Variants in EIF3B observed in about 807,000 individuals in gnomAD.
The protein encoded by EIF3B is eukaryotic translation initiation factor 3 subunit 9.
A neutral mutation model predicts 104.6 loss-of-function variants in EIF3B; 10 were observed. That is an observed-to-expected ratio of 0.10 (90% CI 0.06 to 0.16). The LOEUF is 0.16. Among genes scored for constraint, EIF3B ranks in the 10% least tolerant of loss-of-function variants. EIF3B has a pLI of 1.00. For missense variants in EIF3B, 1,014 were observed against 1,087.9 expected (o/e 0.93, Z 0.96); for synonymous variants, 542 against 417.2 (o/e 1.30, Z -3.65).
chr7:2,374,374 G>T, intron 12 of EIF3B, 154 bp from the exon 13 acceptor site: 1 of 631,722 alleles, frequency 1.6e-6, no homozygotes, highest in Non-Finnish European at 2.8e-6. Flanking sequence ...GGGGTACTTG[G>T]CGATGGACTT....
At position 2,355,314 on chromosome 7, in the gene EIF3B, C is replaced by T. The variant is rs772311248; in HGVS notation, c.393C>T (p.Asn131=). ...AQAVSEDAGG[N]EGRAAEAEPR... Reference sequence around the variant, plus strand: ...CGGTGTCCGAGGACGCGGGAGGAAACGAGGGCAGAGCGGCCGAGGCCGAAC... The same window carrying T: ...CGGTGTCCGAGGACGCGGGAGGAAATGAGGGCAGAGCGGCCGAGGCCGAAC... Residue 131 remains asparagine (N), a synonymous_variant, in exon 1 of 19, where the codon AAC becomes AAT. Coordinates refer to ENST00000360876, the MANE Select transcript of EIF3B (RefSeq NM_001037283.2). The T allele has an allele frequency of 3.1e-5, 47 of 1,540,858 alleles. No individual in the cohort carries two copies. The highest frequency in any genetic ancestry group is 4.1e-5 in the Non-Finnish European group (47 of 1,150,916).
At chr7:2,376,835 C>A in intron 14 of EIF3B, 115 bp from the exon 15 acceptor site, 3 of 1,455,418 alleles carry the variant, frequency 2.1e-6, no homozygotes, top group Non-Finnish European at 2.8e-6. Flanking sequence ...ACAGGCAGAG[C>A]TTTGTTTGCT....
At chr7:2,377,565 G>C (rs374336192) in intron 15 of EIF3B, among the ~76,000 whole-genome samples, 21 of 45,740 alleles carry the variant, frequency 4.6e-4, no homozygotes, top group African/African-American at 1.6e-3. Flanking sequence ...CTCCTGGGAT[G>C]CTGTGTTCTG....
Position 2,367,809 on chromosome 7 carries a change from T to C in EIF3B, c.1403+764T>C, listed in dbSNP as rs565631735. On this transcript the variant is annotated intron_variant, in intron 9 of 18. Coordinates refer to ENST00000360876, the MANE Select transcript of EIF3B (RefSeq NM_001037283.2). Reference sequence around the variant, plus strand: ...ACCAGTTGGAGAGAAAACGGTGAGTTTGTTCTTTTTTTAAAATTTTTTTTT... The same window carrying C: ...ACCAGTTGGAGAGAAAACGGTGAGTCTGTTCTTTTTTTAAAATTTTTTTTT... Among the ~76,000 whole-genome samples the C allele has an allele frequency of 2.0e-5, 3 of 147,098 alleles. No individual in the cohort carries two copies. In the East Asian group the frequency reaches 6.1e-4, roughly 30 times the overall value.
intron 15 of EIF3B, 113 bp from the exon 16 acceptor site, chr7:2,378,576 A>C: frequency 1.2e-6 from 1 of 866,390 alleles, no homozygotes; most frequent in Non-Finnish European, 1.9e-6. Context: ...GCTCCTGGGA[A>C]GCTGTGTTCT....
chr7:2,354,989 A>T lies in EIF3B; in HGVS notation c.68A>T (p.Gln23Leu), dbSNP rs1392826926. The T allele has an allele frequency of 8.5e-7, 1 of 1,171,224 alleles. No homozygotes were observed. The highest frequency in any genetic ancestry group is 4.8e-5 in the Admixed American group (1 of 20,960). 72.6% of individuals were successfully genotyped at this position (1,171,224 alleles called of 1,614,324 possible). The change falls in exon 1 of 19, where the codon CAG (glutamine) becomes CTG (leucine). Residue 23 changes from glutamine (Q) to leucine (L), a missense_variant. This residue lies in a region of EIF3B where 488 missense variants were observed against 404.3 expected (regional missense o/e 1.21). Transcript: ENST00000360876. ...AEERAEPGQQ[Q>L]PAAEPPPAEG... ...GAGCGCGCCGAGCCCGGCCAGCAGC[A>T]GCCGGCCGCCGAGCCGCCGCCAGCC... is the stretch of plus-strand genomic sequence containing the variant.
chr7:2,354,784 C>T (rs1424225524), upstream of EIF3B: 4 of 869,862 alleles, frequency 4.6e-6, no homozygotes, highest in Non-Finnish European at 5.6e-6. Context: ...GTGGGTGCGC[C>T]CCCCGCCCCG....
In EIF3B at chr7:2,377,084, G is replaced by A. The variant is rs1780675368; in HGVS notation, c.2154+9G>A. On this transcript the variant is annotated intron_variant, in intron 15 of 18. Transcript: ENST00000360876. ...GCCAGGAACAGATCAAGGTCAGCATGCCCCCACCCCCGGGTGCAGGGCACA... is the reference window on the plus strand; with the variant it reads ...GCCAGGAACAGATCAAGGTCAGCATACCCCCACCCCCGGGTGCAGGGCACA... The A allele has an allele frequency of 2.5e-6, 4 of 1,601,312 alleles. No homozygotes were observed. Among genetic ancestry groups the A allele is most frequent in the Non-Finnish European group, 3.4e-6 (4 of 1,170,884 alleles).
chr7:2,355,362 C>T lies in EIF3B; in HGVS notation c.441C>T (p.Asp147=), dbSNP rs1779352075. ...EAEPRALENG[D]ADEPSFSDPE... ...AACCCCGGGCGCTGGAGAACGGCGA[C>T]GCGGACGAGCCCTCCTTCAGCGACC... Residue 147 remains aspartate, a synonymous_variant, in exon 1 of 19, where the codon GAC becomes GAT. Transcript: ENST00000360876. 2 of 1,536,700 alleles carry T rather than the reference C, an allele frequency of 1.3e-6. No individual in the cohort carries two copies. The highest frequency in any genetic ancestry group is 1.4e-5 in the African/African-American group (1 of 72,884).
intron 18 of EIF3B, chr7:2,379,975 A>G (rs1331303200): frequency 2.0e-5 from 5 of 252,164 alleles, no homozygotes; most frequent in Non-Finnish European, 3.9e-5. Context: ...CGCGCCTCAC[A>G]GCATGGGCAC....
intron 8 of EIF3B, 86 bp from the exon 9 acceptor site, chr7:2,366,913 C>T (rs1780056177): frequency 7.0e-7 from 1 of 1,425,868 alleles, no homozygotes; most frequent in African/African-American, 1.4e-5. Context: ...ACATCAGACT[C>T]TTGTTTCCTT....
chr7:2,369,685 A>G lies in EIF3B; in HGVS notation c.1614+3A>G. The G allele has an allele frequency of 1.9e-6, 3 of 1,587,410 alleles. No homozygotes were observed. The highest frequency in any genetic ancestry group is 1.7e-5 in the Admixed American group (1 of 59,112). On this transcript the variant is annotated splice_donor_region_variant and intron_variant, in intron 10 of 18. Transcript: ENST00000360876. Reference sequence around the variant, plus strand: ...ATAGGACTCCGAAAGGCACCCAGGTATGTAGATTCCCACAGGAACTGACGA... The same window carrying G: ...ATAGGACTCCGAAAGGCACCCAGGTGTGTAGATTCCCACAGGAACTGACGA...
rs535716099 is a variant in EIF3B, at chr7:2,365,686, T to G, written c.1158-631T>G. Among the ~76,000 whole-genome samples the G allele has an allele frequency of 5.1e-4, 76 of 148,314 alleles. No homozygotes were observed. In the East Asian group the frequency reaches 9.2e-3, roughly 18 times the overall value. On this transcript the variant is annotated intron_variant, in intron 6 of 18. Transcript: ENST00000360876. ...TTGTTTGTTTGTTTGTTTTGTTTTTTTTTTTTTTGAAACTGAGTTTCATGC... is the reference window on the plus strand; with the variant it reads ...TTGTTTGTTTGTTTGTTTTGTTTTTGTTTTTTTTGAAACTGAGTTTCATGC...
Position 2,363,549 on chromosome 7 carries a change from G to C in EIF3B, c.871-83G>C, listed in dbSNP as rs1289196516. 1.5e-5 allele frequency: 19 copies of C among 1,289,164 alleles called. No homozygotes were observed. In the South Asian group the frequency reaches 1.8e-4, roughly 13 times the overall value. 79.9% of individuals were successfully genotyped at this position (1,289,164 alleles called of 1,614,324 possible). A position where few individuals can be genotyped will look rare whatever the true frequency, so the allele number is the denominator to read the frequency against. On this transcript the variant is annotated intron_variant, in intron 4 of 18. Coordinates refer to ENST00000360876, the MANE Select transcript of EIF3B (RefSeq NM_001037283.2). ...GGGAGTTAAGATGTGGACTGAACTT[G>C]TCATATCTTTAAGAGCAATAGTTGT...
intron 10 of EIF3B, 117 bp from the exon 11 acceptor site, chr7:2,371,660 G>A (rs111944821): frequency 1.1e-5 from 9 of 803,446 alleles, no homozygotes; most frequent in Admixed American, 2.0e-5. Context: ...GCACATGCTC[G>A]TGTGTGAACC....
chr7:2,379,280 T>A (rs370305130), intron 17 of EIF3B, 38 bp downstream of exon 17: 6 of 1,585,020 alleles, frequency 3.8e-6, no homozygotes, highest in African/African-American at 2.7e-5. Context: ...GAGCTGGCCC[T>A]TACGCTGCCC....
rs376014325 is a variant in EIF3B, at chr7:2,366,510, T to G, written c.1290-15T>G. 4.9e-5 allele frequency: 79 copies of G among 1,614,078 alleles called. No homozygotes were observed. The highest frequency in any genetic ancestry group is 6.2e-5 in the Non-Finnish European group (73 of 1,180,050). On this transcript the variant is annotated splice_polypyrimidine_tract_variant and intron_variant, in intron 7 of 18. Transcript: ENST00000360876. Reference sequence around the variant, plus strand: ...TCTTTTCATGGGAATACCCTGGCACTTTTGTTTTTCTTAGGTGGAGCCATG... The same window carrying G: ...TCTTTTCATGGGAATACCCTGGCACGTTTGTTTTTCTTAGGTGGAGCCATG...
At position 2,362,750 on chromosome 7, in the gene EIF3B, T is replaced by G; in HGVS notation, c.798T>G (p.Phe266Leu). ...DKQHTFRVNL[F>L]TDFDKYMTIS... Reference sequence around the variant, plus strand: ...AGCACACATTCCGGGTCAACCTCTTTACGGATTTTGACAAGTGAGTTCAGA... The same window carrying G: ...AGCACACATTCCGGGTCAACCTCTTGACGGATTTTGACAAGTGAGTTCAGA... Residue 266 changes from phenylalanine to leucine, a missense_variant, in exon 3 of 19, where the codon TTT (phenylalanine) becomes TTG (leucine). By Grantham distance (22) the Phe-to-Leu change is conservative. Transcript: ENST00000360876. 1 of 1,614,108 alleles carries G rather than the reference T, an allele frequency of 6.2e-7. No homozygotes were observed. Among genetic ancestry groups the G allele is most frequent in the African/African-American group, 1.3e-5 (1 of 75,032 alleles).
chr7:2,363,118 C>G lies in EIF3B; in HGVS notation c.861C>G (p.Phe287Leu). The G allele has an allele frequency of 3.7e-6, 6 of 1,614,032 alleles. No individual in the cohort carries two copies. The highest frequency in any genetic ancestry group is 5.1e-6 in the Non-Finnish European group (6 of 1,179,996). ...GGGATATTCCAGAGAAACAGCCTTT[C>G]AAAGACCTGGTGAGTGGCCTGAAAC... is the stretch of plus-strand genomic sequence containing the variant. ...DEWDIPEKQP[F>L]KDLGNLRYWL... Residue 287 changes from phenylalanine (F) to leucine (L), a missense_variant, in exon 4 of 19, where the codon TTC (phenylalanine) becomes TTG (leucine). By Grantham distance (22) the Phe-to-Leu change is conservative. Around this residue, in one of 4 missense-constraint regions of EIF3B, gnomAD observed 201 missense variants for 240.7 expected, o/e 0.83. Coordinates refer to ENST00000360876, the MANE Select transcript of EIF3B (RefSeq NM_001037283.2).
Sources: allele counts gnomAD v4.1 joint callset (sites outside exome capture counted in the v4.1 genomes callset), GRCh38; gene constraint gnomAD v4.1.1; regional missense constraint gnomAD v4.1.1; transcripts MANE v1.5; gene names NCBI Gene and HGNC (gene_info 2026-07-23, HGNC 2026-07-21).